Variants in COL5A2 observed in about 807,000 individuals in gnomAD.
COL5A2 encodes collagen alpha-2(V) chain.
Under a neutral mutation model 208.2 loss-of-function variants are expected in COL5A2, and 23 were observed. The observed-to-expected ratio is 0.11, with a 90% confidence interval of 0.08 to 0.16. COL5A2 has a LOEUF of 0.16. COL5A2 is among the 10% of genes least tolerant of loss of function. COL5A2 has a pLI of 1.00. For synonymous variants in COL5A2, 625 were observed against 628.5 expected (o/e 0.99, Z 0.08); for missense variants, 1,590 against 1,956.4 (o/e 0.81, Z 3.53).
At chr2:189,339,787 G>A in the COL5A2 span, among the ~76,000 whole-genome samples, 1 of 152,210 alleles carries the variant, frequency 6.6e-6, no homozygotes, top group East Asian at 1.9e-4. Context: ...TCATTGTCCA[G>A]ATGCAGTAAT....
the COL5A2 span, among the ~76,000 whole-genome samples, chr2:189,314,605 CTG>C: frequency 6.6e-6 from 1 of 152,034 alleles, no homozygotes; most frequent in Non-Finnish European, 1.5e-5. Flanking sequence ...CTGAAGGAGA[CTG>C]AGACGCAAGA....
chr2:189,059,584 G>GTTTTTTTTTTTTTTTTTTTTT (rs1559083852), intron 31 of COL5A2, among the ~76,000 whole-genome samples: 1 of 21,234 alleles, frequency 4.7e-5, no homozygotes, highest in Non-Finnish European at 1.8e-4. Flanking sequence ...TTTCTTTTCT[G>GTTTTTTTTTTTTTTTTTTTTT]GTTTTTTTTT....
chr2:189,380,054 C>T, the COL5A2 span, among the ~76,000 whole-genome samples: 1 of 150,654 alleles, frequency 6.6e-6, no homozygotes, highest in Admixed American at 6.6e-5. Flanking sequence ...ATATATATAT[C>T]TCAGCAGTTA....
chr2:189,301,933 C>CAGACG, the COL5A2 span, among the ~76,000 whole-genome samples: 1 of 152,080 alleles, frequency 6.6e-6, no homozygotes, highest in South Asian at 2.1e-4. Flanking sequence ...AATTTTTTTT[C>CAGACG]AGACGTCACA....
chr2:189,285,397 T>C, the COL5A2 span, among the ~76,000 whole-genome samples: 1 of 152,050 alleles, frequency 6.6e-6, no homozygotes, highest in South Asian at 2.1e-4. Flanking sequence ...CAGAGAAAGT[T>C]AAGACAATCT....
At chr2:189,335,349 C>A in the COL5A2 span, among the ~76,000 whole-genome samples, 1 of 152,008 alleles carries the variant, frequency 6.6e-6, no homozygotes, top group South Asian at 2.1e-4. Flanking sequence ...GGAAACCTCA[C>A]ACAATTGCTG....
rs1286042814 is a variant in COL5A2 at position 189,049,448 on chromosome 2, G to T, written c.3046C>A (p.Pro1016Thr). ...MPGLPGPAGTPGKVGPTGATG... is the reference protein window; with the variant it reads ...MPGLPGPAGTTGKVGPTGATG... The stretch of plus-strand genomic sequence containing the variant: ...GCACCAGTTGGTCCTACTTTTCCTG[G>T]TGTTCCCTGAAATAGAAGTATAAAT... Residue 1016 changes from proline (P) to threonine (T), a missense_variant, in exon 44 of 54, where the codon CCA becomes ACA. Pro to Thr is a conservative substitution (Grantham distance 38). Transcript: ENST00000374866. The T allele has an allele frequency of 6.2e-7, 1 of 1,612,028 alleles. No individual in the cohort carries two copies. The highest frequency in any genetic ancestry group is 1.3e-5 in the African/African-American group (1 of 74,888).
chr2:189,353,460 T>C, the COL5A2 span, among the ~76,000 whole-genome samples: 1 of 152,222 alleles, frequency 6.6e-6, no homozygotes, highest in Non-Finnish European at 1.5e-5. Context: ...TCCTCTCTTA[T>C]TTCCTTGAGC....
At chr2:189,190,091 C>T (rs1268201372) in intron 1 of COL5A2, among the ~76,000 whole-genome samples, 1 of 152,094 alleles carries the variant, frequency 6.6e-6, no homozygotes. Context: ...ACCAAAGGCC[C>T]TGTGAACACT....
chr2:189,395,192 C>T, the COL5A2 span, among the ~76,000 whole-genome samples: 1 of 152,192 alleles, frequency 6.6e-6, no homozygotes, highest in East Asian at 1.9e-4. Flanking sequence ...TTCTGTGTCA[C>T]ACTTTATTTT....
intron 5 of COL5A2, among the ~76,000 whole-genome samples, chr2:189,097,997 A>T (rs1373410924): frequency 6.6e-6 from 1 of 152,150 alleles, no homozygotes; most frequent in Non-Finnish European, 1.5e-5. Flanking sequence ...ATTATATTTC[A>T]AAAGTGGTGT....
At chr2:189,109,794 T>C (rs1178045551) in intron 2 of COL5A2, among the ~76,000 whole-genome samples, 2 of 152,238 alleles carry the variant, frequency 1.3e-5, no homozygotes, top group African/African-American at 4.8e-5. Context: ...GCTGTGGCAC[T>C]GAATTACATT....
chr2:189,315,978 G>T, the COL5A2 span, among the ~76,000 whole-genome samples: 2 of 152,140 alleles, frequency 1.3e-5, no homozygotes, highest in African/African-American at 4.8e-5. Context: ...TGGCAAGGTC[G>T]TGGAGAAAAA....
intron 1 of COL5A2, among the ~76,000 whole-genome samples, chr2:189,201,141 T>C (rs916140608): frequency 2.0e-5 from 3 of 152,060 alleles, no homozygotes; most frequent in African/African-American, 7.2e-5. Flanking sequence ...TTAGCAATTA[T>C]ATAAAAAGTT....
the COL5A2 span, among the ~76,000 whole-genome samples, chr2:189,339,350 CAA>C: frequency 6.2e-3 from 706 of 114,314 alleles, 1 homozygote; most frequent in African/African-American, 0.016. Flanking sequence ...GACTCTGTCT[CAA>C]AAAAAAAAAA....
rs1373874831 is a variant in COL5A2, at chr2:189,063,158, T to C, written c.1869+14A>G. 1.2e-6 allele frequency: 2 copies of C among 1,613,106 alleles called. No homozygotes were observed. Among genetic ancestry groups the C allele is most frequent in the African/African-American group, 1.3e-5 (1 of 74,926 alleles). On this transcript the variant is annotated intron_variant, in intron 27 of 53. Transcript: ENST00000374866. ...TCATGATGAGGTGGCCAACATATTA[T>C]ACACTGTACTCACACTGCTACCTTT...
At chr2:189,229,701 C>A (rs1377576078), upstream of COL5A2, among the ~76,000 whole-genome samples, 5 of 151,624 alleles carry the variant, frequency 3.3e-5, no homozygotes, top group Admixed American at 1.3e-4. Context: ...TGAATGAAAA[C>A]ATATTCTATG....
chr2:189,310,462 GCA>G, the COL5A2 span, among the ~76,000 whole-genome samples: 4 of 152,160 alleles, frequency 2.6e-5, no homozygotes, highest in Non-Finnish European at 5.9e-5. Flanking sequence ...AAACCCTTGT[GCA>G]CTATTGGTGG....
chr2:189,353,106 T>C, the COL5A2 span, among the ~76,000 whole-genome samples: 1 of 152,128 alleles, frequency 6.6e-6, no homozygotes, highest in Non-Finnish European at 1.5e-5. Flanking sequence ...TGTAGATGTG[T>C]GGTGCTATTT....
Sources: gnomAD v4.1 joint callset for allele counts (sites outside exome capture counted in the v4.1 genomes callset) on GRCh38, gnomAD v4.1.1 for gene constraint, MANE v1.5 for transcripts, NCBI Gene and HGNC (gene_info 2026-07-23, HGNC 2026-07-21) for gene names.